The following ABCB4 variants were observed in gnomAD, a reference collection of about 807,000 sequenced individuals.
ABCB4 encodes ATP binding cassette subfamily B member 4.
A neutral mutation model predicts 145.7 loss-of-function variants in ABCB4; 76 were observed. The ratio of observed to expected loss-of-function variants is 0.52; its 90% CI spans 0.43 to 0.63. The LOEUF (loss-of-function observed/expected upper bound fraction) is 0.63. ABCB4 is among the 30% of genes least tolerant of loss of function. The pLI is 0.00. For missense variants in ABCB4, 1,234 were observed against 1,553.1 expected, an observed-to-expected ratio of 0.79 and a Z score of 3.45; for synonymous variants, 517 against 566.8, an observed-to-expected ratio of 0.91 and a Z score of 1.25.
Position 87,411,879 on chromosome 7 carries a change from C to G in ABCB4, c.2924+14G>C. Reference sequence around the variant, plus strand: ...TTATTATAGAATAATCTTAATATTTCTAAAGCTACTTACAGAATAACATCT... The same window carrying G: ...TTATTATAGAATAATCTTAATATTTGTAAAGCTACTTACAGAATAACATCT... On this transcript the variant is annotated intron_variant, in intron 23 of 27. Coordinates refer to ENST00000649586, the MANE Select transcript of ABCB4 (RefSeq NM_000443.4). 6.2e-7 allele frequency: 1 copy of G among 1,611,538 alleles called. No homozygotes were observed.
At chr7:87,389,635 T>C in the ABCB4 span, among the ~76,000 whole-genome samples, 2 of 150,174 alleles carry the variant, frequency 1.3e-5, no homozygotes, top group African/African-American at 2.5e-5. Context: ...GGTGGGGGGC[T>C]AGGGGAGGGA....
chr7:87,380,950 A>G, the ABCB4 span, among the ~76,000 whole-genome samples: 2 of 152,224 alleles, frequency 1.3e-5, no homozygotes. Context: ...CTGCTCAGGC[A>G]TCTTATACTG....
intron 4 of ABCB4, among the ~76,000 whole-genome samples, chr7:87,458,317 T>C (rs1188256940): frequency 6.6e-6 from 1 of 152,238 alleles, no homozygotes. Flanking sequence ...CACAACTGAC[T>C]CATTGTGAGG....
At chr7:87,417,118 G>A (rs1051158044) in intron 21 of ABCB4, among the ~76,000 whole-genome samples, 194 bp downstream of exon 21, 4 of 152,094 alleles carry the variant, frequency 2.6e-5, no homozygotes, top group Admixed American at 6.5e-5. Flanking sequence ...TAGGCTCAAC[G>A]TTTTATGTTA....
chr7:87,463,908 T>A (rs1812672912), intron 3 of ABCB4, among the ~76,000 whole-genome samples: 2 of 152,240 alleles, frequency 1.3e-5, no homozygotes, highest in African/African-American at 2.4e-5. Flanking sequence ...TCTTTCTGTT[T>A]TTGATTGACC....
At chr7:87,398,848 C>G, downstream of ABCB4, 1 of 558,158 alleles carries the variant, frequency 1.8e-6, no homozygotes, top group Non-Finnish European at 3.1e-6. Flanking sequence ...TTAAGCTCCT[C>G]TGATGCAGCA....
At chr7:87,437,504 A>G (rs1256333308) in intron 14 of ABCB4, among the ~76,000 whole-genome samples, 1 of 152,174 alleles carries the variant, frequency 6.6e-6, no homozygotes, top group African/African-American at 2.4e-5. Context: ...TAGGTAACCA[A>G]TTTAGCAACC....
At chr7:87,394,300 G>C in the ABCB4 span, among the ~76,000 whole-genome samples, 1 of 152,150 alleles carries the variant, frequency 6.6e-6, no homozygotes, top group East Asian at 1.9e-4. Flanking sequence ...CTCTTTAGCA[G>C]ATCACAAAAA....
the ABCB4 span, among the ~76,000 whole-genome samples, chr7:87,391,966 G>A: frequency 6.6e-6 from 1 of 152,136 alleles, no homozygotes; most frequent in Non-Finnish European, 1.5e-5. Flanking sequence ...GGTATTTCAG[G>A]ACTTCTAATC....
the ABCB4 span, chr7:87,382,035 T>C: frequency 3.8e-6 from 6 of 1,572,700 alleles, no homozygotes; most frequent in Non-Finnish European, 5.2e-6. Context: ...TCCTAATAGT[T>C]CTATAGATAA....
rs1526091 is a variant in ABCB4 at position 87,402,678 on chromosome 7, A to T, written c.3634-376T>A. ...ATAAAATATATAATCATTTTAGAAA[A>T]TTTAGAATAAAATATTCCATTACTT... On this transcript the variant is annotated intron_variant, in intron 27 of 27. Coordinates refer to ENST00000649586, the MANE Select transcript of ABCB4 (RefSeq NM_000443.4). Among the ~76,000 whole-genome samples the T allele has an allele frequency of 1.8e-3, 277 of 152,306 alleles. 3 individuals are homozygous for T. In the East Asian group the frequency reaches 0.036, roughly 20 times the overall value.
chr7:87,402,908 A>G (rs1807903147), intron 27 of ABCB4, among the ~76,000 whole-genome samples: 1 of 152,204 alleles, frequency 6.6e-6, no homozygotes, highest in African/African-American at 2.4e-5. Flanking sequence ...TTGAGGCAAG[A>G]GAATCGCTTG....
At chr7:87,458,550 A>G (rs1197394118) in intron 4 of ABCB4, among the ~76,000 whole-genome samples, 1 of 152,094 alleles carries the variant, frequency 6.6e-6, no homozygotes, top group Non-Finnish European at 1.5e-5. Flanking sequence ...TAAGTACCTC[A>G]CTCTATCTGT....
At chr7:87,408,316 C>T (rs184992589) in intron 24 of ABCB4, 82 bp from the exon 25 acceptor site, 2 of 1,365,414 alleles carry the variant, frequency 1.5e-6, no homozygotes, top group African/African-American at 2.9e-5. Flanking sequence ...GAAACTTTAC[C>T]AAAGACTGTA....
chr7:87,426,651 A>C (rs1383407553), intron 16 of ABCB4, 99 bp downstream of exon 16: 7 of 1,189,082 alleles, frequency 5.9e-6, no homozygotes, highest in Non-Finnish European at 7.5e-6. Flanking sequence ...TCATAGTAGC[A>C]GTCATCTGTG....
downstream of ABCB4, among the ~76,000 whole-genome samples, chr7:87,397,874 A>G (rs1807592390): frequency 1.3e-5 from 2 of 152,182 alleles, no homozygotes; most frequent in Admixed American, 6.6e-5. Flanking sequence ...TTTTGAGCCT[A>G]ATTCATATTT....
At chr7:87,423,004 AGCTT>A (rs1468639893) in intron 17 of ABCB4, among the ~76,000 whole-genome samples, 3 of 152,146 alleles carry the variant, frequency 2.0e-5, no homozygotes, top group African/African-American at 7.2e-5. Flanking sequence ...AGAGAGCCAG[AGCTT>A]GCTTTGTTTT....
intron 7 of ABCB4, among the ~76,000 whole-genome samples, 165 bp from the exon 8 acceptor site, chr7:87,450,257 C>A (rs1306688084): frequency 6.6e-6 from 1 of 152,172 alleles, no homozygotes; most frequent in African/African-American, 2.4e-5. Context: ...GCGTCCACAT[C>A]CCTCAAAGGC....
At chr7:87,404,647 C>A (rs552232175) in intron 26 of ABCB4, among the ~76,000 whole-genome samples, 27 of 151,696 alleles carry the variant, frequency 1.8e-4, no homozygotes, top group East Asian at 5.8e-4. Context: ...AACAAACAAA[C>A]AAAAAAAACT....
Sources: allele counts gnomAD v4.1 joint callset (sites outside exome capture counted in the v4.1 genomes callset), GRCh38; gene constraint gnomAD v4.1.1; transcripts MANE v1.5; gene names NCBI Gene and HGNC (gene_info 2026-07-23, HGNC 2026-07-21).